The following AMBRA1 variants were observed in gnomAD, a reference collection of about 807,000 sequenced individuals.
The protein encoded by AMBRA1 is autophagy and beclin 1 regulator 1, also known as activating molecule in BECN1-regulated autophagy protein 1.
Under a neutral mutation model 125.4 loss-of-function variants are expected in AMBRA1, and 47 were observed. The observed-to-expected ratio is 0.37, with a 90% CI of 0.30 to 0.48. AMBRA1 has a LOEUF of 0.48. Among genes scored for constraint, AMBRA1 ranks in the 20% least tolerant of loss-of-function variants. The probability of loss-of-function intolerance (pLI) is 0.99; values close to 1 mark genes in which losing one functional copy is unlikely to be tolerated. For synonymous variants in AMBRA1, 626 were observed against 655.5 expected (o/e 0.95, Z 0.69); for missense variants, 1,331 against 1,693.4 (o/e 0.79, Z 3.76).
At chr11:46,552,947 CACTT>C (rs1335487375) in intron 1 of AMBRA1, among the ~76,000 whole-genome samples, 2 of 151,536 alleles carry the variant, frequency 1.3e-5, no homozygotes, top group Non-Finnish European at 1.5e-5. Flanking sequence ...CCTCATCACT[CACTT>C]TTTTTCTTTT....
In AMBRA1 at chr11:46,547,014, C is replaced by G; in HGVS notation, c.378+99G>C. The G allele has an allele frequency of 2.6e-6, 3 of 1,156,208 alleles. No homozygotes were observed. The East Asian group carries it at 7.5e-5, about 29-fold the overall frequency. The allele number at this position is 1,156,208 out of a possible 1,614,324, so 71.6% of individuals were successfully genotyped here. On this transcript the variant is annotated intron_variant, in intron 4 of 17. Coordinates refer to ENST00000683756, the MANE Select transcript of AMBRA1 (RefSeq NM_001387011.1). ...TGAACCTGGGAGACGGAGGTTGCAG[C>G]GAGCCAAGATCACACCACTGGGCAA...
In AMBRA1 at chr11:46,553,969, T is replaced by C. The variant is rs530500254; in HGVS notation, c.-120-5469A>G. On this transcript the variant is annotated intron_variant, in intron 1 of 17. Coordinates refer to ENST00000683756, the MANE Select transcript of AMBRA1 (RefSeq NM_001387011.1). ...ACTAACTGGAAGGAAATCATCTCCT[T>C]AGTAACCCTGACAACTCATAGATTA... Among the ~76,000 whole-genome samples, 117 of 152,272 alleles carry C rather than the reference T, an allele frequency of 7.7e-4. No homozygotes were observed. In the Middle Eastern group the frequency reaches 0.027, roughly 35 times the overall value.
chr11:46,591,060 C>A (rs2044578711), intron 1 of AMBRA1: 1 of 152,214 alleles, frequency 6.6e-6, no homozygotes, highest in South Asian at 2.1e-4. Flanking sequence ...TCAACTTAAG[C>A]CTCTGCCAAT....
chr11:46,486,681 G>A lies in AMBRA1; in HGVS notation c.2521+6927C>T, dbSNP rs371294102. Among the ~76,000 whole-genome samples the A allele has an allele frequency of 7.2e-5, 11 of 152,110 alleles. No individual in the cohort carries two copies. The South Asian group carries it at 1.7e-3, about 23-fold the overall frequency. Reference sequence around the variant, plus strand: ...AGCACTTTGGGAGGCCAAGGTGGGCGGATGACCTGAGGTCAGGAGTTCGAG... The same window carrying A: ...AGCACTTTGGGAGGCCAAGGTGGGCAGATGACCTGAGGTCAGGAGTTCGAG... On this transcript the variant is annotated intron_variant, in intron 11 of 17. Coordinates refer to ENST00000683756, the MANE Select transcript of AMBRA1 (RefSeq NM_001387011.1).
chr11:46,559,023 G>A (rs542624934), intron 1 of AMBRA1, among the ~76,000 whole-genome samples: 2 of 152,092 alleles, frequency 1.3e-5, no homozygotes, highest in East Asian at 3.9e-4. Flanking sequence ...AACCTAAGCC[G>A]GGTGCAGTGG....
At chr11:46,561,179 G>A (rs550481223) in intron 1 of AMBRA1, among the ~76,000 whole-genome samples, 7 of 152,148 alleles carry the variant, frequency 4.6e-5, no homozygotes, top group East Asian at 1.9e-4. Context: ...TCAGGAGTTC[G>A]AGACTAGCCT....
Position 46,547,245 on chromosome 11 carries a change from C to T in AMBRA1, c.246G>A (p.Val82=), listed in dbSNP as rs1035412921. The part of the protein sequence containing the change: ...HVNHNIYITE[V]KTGKCVHSLI... Reference sequence around the variant, plus strand: ...GGGAATGAACACACTTGCCAGTCTTCACCTCCGTAATATAGATATTATGGT... The same window carrying T: ...GGGAATGAACACACTTGCCAGTCTTTACCTCCGTAATATAGATATTATGGT... Residue 82 remains valine (V), a synonymous_variant, in exon 4 of 18, where the codon GTG becomes GTA. Coordinates refer to ENST00000683756, the MANE Select transcript of AMBRA1 (RefSeq NM_001387011.1). The T allele has an allele frequency of 1.9e-6, 3 of 1,613,992 alleles. No homozygotes were observed. The highest frequency in any genetic ancestry group is 2.5e-6 in the Non-Finnish European group (3 of 1,179,998).
chr11:46,591,715 G>T lies in AMBRA1; in HGVS notation c.-121+2113C>A, dbSNP rs889605355. On this transcript the variant is annotated intron_variant, in intron 1 of 17. Transcript: ENST00000683756. ...ACTAAAAATACAATAAATTAGCTGG[G>T]CGTGGTGGCGACGCCTGTAATCCCA... Among the ~76,000 whole-genome samples, 4 of 151,710 alleles carry T rather than the reference G, an allele frequency of 2.6e-5. No individual in the cohort carries two copies. In the South Asian group the frequency reaches 8.3e-4, roughly 32 times the overall value.
Position 46,547,110 on chromosome 11 carries a change from C to T in AMBRA1, c.378+3G>A. 6.3e-7 allele frequency: 1 copy of T among 1,593,632 alleles called. No individual in the cohort carries two copies. Among genetic ancestry groups the T allele is most frequent in the Non-Finnish European group, 8.5e-7 (1 of 1,174,010 alleles). On this transcript the variant is annotated splice_donor_region_variant and intron_variant, in intron 4 of 17. Coordinates refer to ENST00000683756, the MANE Select transcript of AMBRA1 (RefSeq NM_001387011.1). The stretch of plus-strand genomic sequence containing the variant: ...GAAAAGGGTATCTTAAGGAAATACT[C>T]ACGTGTAAATCCCAAATCCTAACCT...
intron 14 of AMBRA1, 130 bp from the exon 15 acceptor site, chr11:46,418,182 CTTTT>C (rs934020226): frequency 2.0e-5 from 8 of 402,532 alleles, no homozygotes; most frequent in East Asian, 6.8e-5. Flanking sequence ...CAGGATGACT[CTTTT>C]TTTTTCTTTT....
intron 7 of AMBRA1, among the ~76,000 whole-genome samples, chr11:46,538,786 C>T (rs1290024474): frequency 2.0e-5 from 3 of 152,194 alleles, no homozygotes; most frequent in African/African-American, 4.8e-5. Flanking sequence ...GCGTGAGCCA[C>T]TGCACCTACC....
chr11:46,585,719 T>C (rs113118060), intron 1 of AMBRA1, among the ~76,000 whole-genome samples: 1,195 of 96,660 alleles, frequency 0.012, 86 homozygotes, highest in African/African-American at 0.047. Flanking sequence ...TATATATATA[T>C]ATATTCCTAG....
At chr11:46,488,909 T>C (rs991925782) in intron 11 of AMBRA1, among the ~76,000 whole-genome samples, 1 of 152,124 alleles carries the variant, frequency 6.6e-6, no homozygotes, top group African/African-American at 2.4e-5. Flanking sequence ...AAGGTTTTTT[T>C]GTTTTTTTGT....
intron 17 of AMBRA1, among the ~76,000 whole-genome samples, chr11:46,405,958 C>T (rs1004609576): frequency 5.3e-5 from 8 of 151,606 alleles, no homozygotes; most frequent in African/African-American, 1.9e-4. Context: ...GTCTTGAACT[C>T]CAGGACTCAA....
At chr11:46,574,469 C>G (rs7104073) in intron 1 of AMBRA1, among the ~76,000 whole-genome samples, 37,397 of 149,384 alleles carry the variant, frequency 0.25, 6,485 homozygotes, top group African/African-American at 0.51. Context: ...GTCTTCTTTT[C>G]AGAAGTGTCT....
intron 12 of AMBRA1, among the ~76,000 whole-genome samples, chr11:46,442,833 G>T (rs1230376556): frequency 6.6e-6 from 1 of 152,218 alleles, no homozygotes; most frequent in Admixed American, 6.5e-5. Context: ...TTCAGCTTCA[G>T]ATATGAACAA....
At chr11:46,502,958 G>T (rs1185258915) in intron 9 of AMBRA1, among the ~76,000 whole-genome samples, 1 of 151,360 alleles carries the variant, frequency 6.6e-6, no homozygotes, top group African/African-American at 2.4e-5. Flanking sequence ...CTACTCAGGA[G>T]GCTGAGGCAG....
intron 11 of AMBRA1, among the ~76,000 whole-genome samples, chr11:46,454,257 G>A (rs1028568830): frequency 1.3e-5 from 2 of 151,592 alleles, no homozygotes; most frequent in African/African-American, 2.4e-5. Context: ...TCAAACTCCT[G>A]GGCTCAAGTG....
intron 1 of AMBRA1, among the ~76,000 whole-genome samples, chr11:46,590,319 C>A (rs2044552175): frequency 6.6e-6 from 1 of 151,626 alleles, no homozygotes; most frequent in Non-Finnish European, 1.5e-5. Flanking sequence ...AGCCTGGTGA[C>A]AGAGCAAGAC....
Sources: gnomAD v4.1 joint callset for allele counts (sites outside exome capture counted in the v4.1 genomes callset) on GRCh38, gnomAD v4.1.1 for gene constraint, MANE v1.5 for transcripts, NCBI Gene and HGNC (gene_info 2026-07-23, HGNC 2026-07-21) for gene names.